Variants in ITGA7 observed in about 807,000 individuals in gnomAD.
ITGA7 encodes integrin alpha-7.
Under a neutral mutation model 131.6 loss-of-function variants are expected in ITGA7, and 84 were observed. That is an observed-to-expected ratio of 0.64 (90% confidence interval 0.54 to 0.77). The LOEUF is 0.77. ITGA7 is among the 30% of genes least tolerant of loss of function. The probability of loss-of-function intolerance (pLI) is 0.00; values close to 1 mark genes in which losing one functional copy is unlikely to be tolerated. For missense variants in ITGA7, 1,399 were observed against 1,482.9 expected (o/e 0.94, Z 0.93); for synonymous variants, 548 against 600.7 (o/e 0.91, Z 1.28).
At position 55,694,241 on chromosome 12, in the gene ITGA7, T is replaced by C; in HGVS notation, c.2432+15A>G. On this transcript the variant is annotated intron_variant, in intron 18 of 24. Coordinates refer to ENST00000257879, the MANE Select transcript of ITGA7 (RefSeq NM_002206.3). The surrounding 1 kb of genome is among the most constrained non-coding windows in gnomAD (Gnocchi z 5.3). The stretch of plus-strand genomic sequence containing the variant: ...CCCTCCCTCCAATGGAGGTGCCCCC[T>C]TGGGCCAGGCTCACCCTGCAATGGA... The C allele has an allele frequency of 6.2e-7, 1 of 1,614,050 alleles. No homozygotes were observed. Among genetic ancestry groups the C allele is most frequent in the Non-Finnish European group, 8.5e-7 (1 of 1,179,960 alleles).
upstream of ITGA7, among the ~76,000 whole-genome samples, chr12:55,714,195 G>A (rs1275916596): frequency 6.7e-6 from 1 of 150,028 alleles, no homozygotes; most frequent in Non-Finnish European, 1.5e-5. Flanking sequence ...TAACCAACAC[G>A]GTGAAATGCC....
At chr12:55,695,698 A>C in intron 13 of ITGA7, 61 bp from the exon 14 acceptor site, 1 of 1,105,582 alleles carries the variant, frequency 9.0e-7, no homozygotes, top group Non-Finnish European at 1.4e-6. Flanking sequence ...CAAACCTGTC[A>C]CCATGGCATA....
In ITGA7 at chr12:55,694,121, A is replaced by T; in HGVS notation, c.2435T>A (p.Met812Lys). 6.2e-7 allele frequency: 1 copy of T among 1,614,170 alleles called. No individual in the cohort carries two copies. The highest frequency in any genetic ancestry group is 1.6e-4 in the Middle Eastern group (1 of 6,062). The change falls in exon 19 of 25, where the codon ATG becomes AAG. Residue 812 changes from methionine (M) to lysine (K), a missense_variant and splice_region_variant. Physicochemically the swap from Met to Lys is moderately conservative, Grantham distance 95. Coordinates refer to ENST00000257879, the MANE Select transcript of ITGA7 (RefSeq NM_002206.3). This position sits in a 1 kb window ranked among gnomAD's most constrained non-coding sequence, Gnocchi z 5.3. ...FIELPLSIAGMAIPQQLFFSG... is the reference protein window; with the variant it reads ...FIELPLSIAGKAIPQQLFFSG... ...GAAGAAGAGTTGCTGGGGAATGGCCATTCTGGCGTGGAGAGGTCAGAACAG... is the reference window on the plus strand; with the variant it reads ...GAAGAAGAGTTGCTGGGGAATGGCCTTTCTGGCGTGGAGAGGTCAGAACAG...
upstream of ITGA7, chr12:55,712,169 A>C: frequency 6.4e-7 from 1 of 1,551,400 alleles, no homozygotes; most frequent in South Asian, 1.2e-5. Flanking sequence ...GATTGAGGGA[A>C]TTCAGTGGGG....
chr12:55,700,541 C>G (rs1219408491), intron 4 of ITGA7: 1 of 916,822 alleles, frequency 1.1e-6, no homozygotes, highest in Non-Finnish European at 1.6e-6. Flanking sequence ...TTCCTGGGGT[C>G]CCCCAGATGT....
chr12:55,703,032 T>C lies in ITGA7; in HGVS notation c.334+19A>G, dbSNP rs2293413. On this transcript the variant is annotated intron_variant, in intron 2 of 24. Transcript: ENST00000257879. The stretch of plus-strand genomic sequence containing the variant: ...CCCCGCTCACACGCTTCCCCCACTC[T>C]GTTCATGCAGGGCCACACCTCCCTG... 0.53 allele frequency: 855,047 copies of C among 1,613,676 alleles called. 235,371 individuals are homozygous for C. The highest frequency in any genetic ancestry group is 0.94 in the East Asian group (41,949 of 44,836).
upstream of ITGA7, among the ~76,000 whole-genome samples, chr12:55,710,230 G>A (rs1258990656): frequency 2.6e-5 from 4 of 152,042 alleles, no homozygotes; most frequent in South Asian, 2.1e-4. Flanking sequence ...GTGTGGTGGC[G>A]GGTACCTGTA....
intron 1 of ITGA7, 152 bp from the exon 2 acceptor site, chr12:55,703,330 G>A (rs781709586): frequency 1.2e-6 from 1 of 825,126 alleles, no homozygotes; most frequent in Non-Finnish European, 1.8e-6. Flanking sequence ...CTCAAACCCT[G>A]GCAAGGACAA....
At chr12:55,697,371 C>T in intron 10 of ITGA7, 80 bp downstream of exon 10, 1 of 1,581,634 alleles carries the variant, frequency 6.3e-7, no homozygotes, top group South Asian at 1.1e-5. Flanking sequence ...ACAGCCCCAG[C>T]CCCAAACTGG....
At chr12:55,691,480 G>T (rs1318454059) in intron 21 of ITGA7, among the ~76,000 whole-genome samples, 1 of 152,130 alleles carries the variant, frequency 6.6e-6, no homozygotes, top group Non-Finnish European at 1.5e-5. Context: ...TAGATTTTAA[G>T]TGTTCTTACC....
chr12:55,686,522 A>T (rs147860040), intron 24 of ITGA7, among the ~76,000 whole-genome samples: 322 of 152,252 alleles, frequency 2.1e-3, no homozygotes, highest in Non-Finnish European at 3.6e-3. Context: ...TCTACTGATG[A>T]TTCACACTTG....
intron 24 of ITGA7, among the ~76,000 whole-genome samples, chr12:55,685,953 C>T (rs961287461): frequency 6.6e-6 from 1 of 152,208 alleles, no homozygotes; most frequent in African/African-American, 2.4e-5. Context: ...AAAAAGCATG[C>T]ATGCGACCTC....
chr12:55,687,422 C>G lies in ITGA7; in HGVS notation c.3183+549G>C, dbSNP rs540172962. ...CAGCTTGGTCTTGAACTCCTGACCTCAGGTGATCCACTCACCTCAGCCTCC... is the reference window on the plus strand; with the variant it reads ...CAGCTTGGTCTTGAACTCCTGACCTGAGGTGATCCACTCACCTCAGCCTCC... On this transcript the variant is annotated intron_variant, in intron 24 of 24. Coordinates refer to ENST00000257879, the MANE Select transcript of ITGA7 (RefSeq NM_002206.3). Among the ~76,000 whole-genome samples, 3 of 150,954 alleles carry G rather than the reference C, an allele frequency of 2.0e-5. No individual in the cohort carries two copies. In the East Asian group the frequency reaches 5.9e-4, roughly 29 times the overall value.
chr12:55,702,686 A>T, intron 3 of ITGA7, 186 bp downstream of exon 3: 1 of 644,646 alleles, frequency 1.6e-6, no homozygotes, highest in Non-Finnish European at 2.8e-6. Flanking sequence ...ATGAATGGAC[A>T]GACATTTTTA....
intron 21 of ITGA7, among the ~76,000 whole-genome samples, chr12:55,690,418 T>A (rs1224541316): frequency 6.8e-6 from 1 of 146,778 alleles, no homozygotes; most frequent in Non-Finnish European, 1.5e-5. Flanking sequence ...AAAACCACAA[T>A]GAGATATCAT....
At chr12:55,695,013 C>T in intron 14 of ITGA7, 43 bp from the exon 15 acceptor site, 2 of 1,583,890 alleles carry the variant, frequency 1.3e-6, no homozygotes, top group Non-Finnish European at 1.7e-6. Flanking sequence ...TGAACACCTC[C>T]CCCTACCATT....
upstream of ITGA7, among the ~76,000 whole-genome samples, chr12:55,709,169 C>G (rs1230125572): frequency 6.6e-6 from 1 of 152,168 alleles, no homozygotes; most frequent in Non-Finnish European, 1.5e-5. Context: ...GTCTCTGCCA[C>G]ACTTGGAATC....
intron 22 of ITGA7, 97 bp downstream of exon 22, chr12:55,688,747 G>T: frequency 2.3e-6 from 2 of 886,266 alleles, no homozygotes; most frequent in Non-Finnish European, 3.7e-6. Context: ...GGGGGGGGAT[G>T]CTGCATTTGG....
chr12:55,698,997 G>A (rs1360291912), intron 5 of ITGA7, 80 bp from the exon 6 acceptor site: 4 of 1,316,778 alleles, frequency 3.0e-6, no homozygotes, highest in South Asian at 2.5e-5. Context: ...CCCAGCCCCT[G>A]CCCCCTCCCT....
Sources: gnomAD v4.1 joint callset for allele counts (sites outside exome capture counted in the v4.1 genomes callset) on GRCh38, gnomAD v4.1.1 for gene constraint, Gnocchi (gnomAD v3.1) non-coding constraint, MANE v1.5 for transcripts, NCBI Gene and HGNC (gene_info 2026-07-23, HGNC 2026-07-21) for gene names.